TGFB2: variants seen among roughly 807,000 people sequenced by gnomAD.
TGFB2 encodes the protein transforming growth factor beta-2 proprotein.
TGFB2 carries 13 observed loss-of-function variants against 42.7 expected under a neutral mutation model. That is an observed-to-expected ratio of 0.30 (90% confidence interval 0.20 to 0.48). TGFB2 has a LOEUF of 0.48. TGFB2 is among the 20% of genes least tolerant of loss of function. TGFB2 has a pLI of 0.99. For synonymous variants in TGFB2, 193 were observed against 193.6 expected, an observed-to-expected ratio of 1.00 and a Z score of 0.03; for missense variants, 390 against 517.5, an observed-to-expected ratio of 0.75 and a Z score of 2.39.
intron 2 of TGFB2, among the ~76,000 whole-genome samples, chr1:218,420,947 A>T (rs930773521): frequency 5.3e-5 from 8 of 152,182 alleles, no homozygotes; most frequent in Non-Finnish European, 1.2e-4. Context: ...CCTCTTAGAC[A>T]GATGCAATTA....
intron 1 of TGFB2, among the ~76,000 whole-genome samples, chr1:218,373,649 C>T (rs1657647027): frequency 6.6e-6 from 1 of 151,874 alleles, no homozygotes; most frequent in South Asian, 2.1e-4. Context: ...CTCACGATCA[C>T]ACAGCTGTCT....
At chr1:218,379,725 T>C (rs1184693384) in intron 1 of TGFB2, among the ~76,000 whole-genome samples, 1 of 152,200 alleles carries the variant, frequency 6.6e-6, no homozygotes, top group Non-Finnish European at 1.5e-5. Context: ...TCCTGATTTT[T>C]CAATCGGGGT....
At chr1:218,429,668 C>G (rs1659744047) in intron 2 of TGFB2, among the ~76,000 whole-genome samples, 4 of 152,172 alleles carry the variant, frequency 2.6e-5, no homozygotes, top group Admixed American at 2.0e-4. Flanking sequence ...GAGGAACTAG[C>G]AAACTGTTTT....
chr1:218,363,914 G>A (rs553073771), intron 1 of TGFB2, among the ~76,000 whole-genome samples: 9 of 152,208 alleles, frequency 5.9e-5, no homozygotes, highest in South Asian at 2.1e-4. Context: ...TCCAACCCTC[G>A]GCCTGCATGC....
chr1:218,382,458 T>C (rs1485446028), intron 1 of TGFB2, among the ~76,000 whole-genome samples: 3 of 152,190 alleles, frequency 2.0e-5, no homozygotes, highest in African/African-American at 7.2e-5. Flanking sequence ...CCAAGACACA[T>C]ACACACGCTT....
chr1:218,416,399 C>T (rs538307343), intron 2 of TGFB2, among the ~76,000 whole-genome samples: 1 of 151,910 alleles, frequency 6.6e-6, no homozygotes, highest in Non-Finnish European at 1.5e-5. Context: ...TCAATGCCAA[C>T]AGTACTCAGG....
At chr1:218,406,094 T>G (rs1414122371) in intron 2 of TGFB2, among the ~76,000 whole-genome samples, 2 of 152,100 alleles carry the variant, frequency 1.3e-5, no homozygotes, top group African/African-American at 2.4e-5. Flanking sequence ...CTTTTTCACT[T>G]TTTTCTCCTC....
intron 1 of TGFB2, among the ~76,000 whole-genome samples, chr1:218,393,945 C>T (rs936772480): frequency 2.7e-5 from 4 of 150,274 alleles, no homozygotes; most frequent in African/African-American, 4.9e-5. Flanking sequence ...CTTGCTCTGT[C>T]GCCCAGGCTG....
intron 2 of TGFB2, among the ~76,000 whole-genome samples, chr1:218,420,607 TTTCTG>T: frequency 6.6e-6 from 1 of 152,216 alleles, no homozygotes; most frequent in East Asian, 1.9e-4. Context: ...AGGAGAGACT[TTTCTG>T]TGTGTGTGTG....
intron 2 of TGFB2, among the ~76,000 whole-genome samples, chr1:218,417,840 G>A (rs568944507): frequency 6.6e-6 from 1 of 152,380 alleles, no homozygotes; most frequent in Non-Finnish European, 1.5e-5. Context: ...CAAGCCCCAA[G>A]CCTTGGCAGC....
chr1:218,436,370 T>C (rs1290860711), intron 5 of TGFB2, among the ~76,000 whole-genome samples: 1 of 152,118 alleles, frequency 6.6e-6, no homozygotes, highest in African/African-American at 2.4e-5. Flanking sequence ...ACCCCCTGAA[T>C]TTTTTCCCCA....
At chr1:218,418,113 T>C (rs1659340107) in intron 2 of TGFB2, among the ~76,000 whole-genome samples, 1 of 152,136 alleles carries the variant, frequency 6.6e-6, no homozygotes, top group Non-Finnish European at 1.5e-5. Flanking sequence ...CCCAGAATGG[T>C]AGATCCACCA....
intron 1 of TGFB2, among the ~76,000 whole-genome samples, chr1:218,387,841 C>T (rs759684070): frequency 7.2e-5 from 11 of 152,192 alleles, no homozygotes; most frequent in Non-Finnish European, 1.6e-4. Context: ...TCTATGTTGC[C>T]TGGCTATGAG....
intron 2 of TGFB2, among the ~76,000 whole-genome samples, chr1:218,410,061 A>T (rs1659046081): frequency 6.6e-6 from 1 of 152,212 alleles, no homozygotes; most frequent in African/African-American, 2.4e-5. Context: ...TGGAAAGGAA[A>T]ATGAGAGTTG....
intron 1 of TGFB2, among the ~76,000 whole-genome samples, chr1:218,367,380 G>T (rs1442220985): frequency 6.6e-6 from 1 of 152,144 alleles, no homozygotes; most frequent in Non-Finnish European, 1.5e-5. Flanking sequence ...ACAGTGTTTT[G>T]TTCAACCAGA....
chr1:218,350,138 C>G (rs546910164), intron 1 of TGFB2, among the ~76,000 whole-genome samples: 4 of 152,304 alleles, frequency 2.6e-5, no homozygotes, highest in Non-Finnish European at 5.9e-5. Flanking sequence ...CAGTTATACA[C>G]AGGAAGAATT....
At chr1:218,378,978 C>T (rs2796818) in intron 1 of TGFB2, among the ~76,000 whole-genome samples, 1 of 152,028 alleles carries the variant, frequency 6.6e-6, no homozygotes, top group African/African-American at 2.4e-5. Flanking sequence ...CAGGCCAGCT[C>T]GGTCTAGAAA....
At chr1:218,404,676 T>C (rs978360359) in intron 1 of TGFB2, among the ~76,000 whole-genome samples, 2 of 152,202 alleles carry the variant, frequency 1.3e-5, no homozygotes, top group African/African-American at 4.8e-5. Flanking sequence ...AACTAAAATA[T>C]TGAAGCCAAA....
At chr1:218,405,029 G>T in intron 1 of TGFB2, 140 bp from the exon 2 acceptor site, 3 of 868,882 alleles carry the variant, frequency 3.5e-6, no homozygotes, top group Non-Finnish European at 3.5e-6. Flanking sequence ...TGGTTACATT[G>T]TTAATGGTAT....
Sources: allele counts gnomAD v4.1 joint callset (sites outside exome capture counted in the v4.1 genomes callset), GRCh38; gene constraint gnomAD v4.1.1; transcripts MANE v1.5; gene names NCBI Gene and HGNC (gene_info 2026-07-23, HGNC 2026-07-21).